Variants in DST observed in about 807,000 individuals in gnomAD.
DST encodes bullous pemphigoid antigen.
In DST, 253 loss-of-function variants were observed where a neutral mutation model predicts 875.2. That is an observed-to-expected ratio of 0.29 (90% CI 0.26 to 0.32). DST has a LOEUF of 0.32. Ranked by LOEUF, DST falls within the 10% of genes least tolerant of loss-of-function variation. The pLI is 1.00. For missense variants in DST, 8,287 were observed against 9,111.6 expected, an observed-to-expected ratio of 0.91 and a Z score of 3.68; for synonymous variants, 3,124 against 3,197.1, an observed-to-expected ratio of 0.98 and a Z score of 0.77.
intron 9 of DST, among the ~76,000 whole-genome samples, chr6:56,686,990 G>T (rs971982816): frequency 2.0e-5 from 3 of 152,136 alleles, no homozygotes; most frequent in Non-Finnish European, 4.4e-5. Context: ...TCAACATCTT[G>T]TAAGTTCTCC....
At position 56,464,768 on chromosome 6, in the gene DST, G is replaced by C; in HGVS notation, c.22688-12C>G. The C allele has an allele frequency of 1.3e-6, 2 of 1,576,420 alleles. No homozygotes were observed. Among genetic ancestry groups the C allele is most frequent in the South Asian group, 2.3e-5 (2 of 86,574 alleles). On this transcript the variant is annotated splice_polypyrimidine_tract_variant and intron_variant, in intron 99 of 103. Transcript: ENST00000680361. ...CCCATGATGATGAACTAGAAAAAAT[G>C]ACACAGGATACCAATCACATTAAAG...
chr6:56,879,512 GTATGTCTAGGT>G (rs1367766815), intron 3 of DST, among the ~76,000 whole-genome samples: 1 of 152,036 alleles, frequency 6.6e-6, no homozygotes, highest in Non-Finnish European at 1.5e-5. Context: ...GCATATAGTG[GTATGTCTAGGT>G]TTATTAATTA....
At chr6:56,802,919 A>G (rs1015485338) in intron 4 of DST, among the ~76,000 whole-genome samples, 2 of 152,252 alleles carry the variant, frequency 1.3e-5, no homozygotes, top group Non-Finnish European at 2.9e-5. Flanking sequence ...GGAAATCATT[A>G]TACTTTAAGA....
chr6:56,636,394 G>A lies in DST; in HGVS notation c.3060+163C>T, dbSNP rs142018065. ...TATATACACACATATATGTGTATAC[G>A]TATGTGTGTATATATATACACACAT... On this transcript the variant is annotated intron_variant, in intron 23 of 103. Coordinates refer to ENST00000680361, the MANE Select transcript of DST (RefSeq NM_001374736.1). Among the ~76,000 whole-genome samples the A allele has an allele frequency of 5.9e-3, 876 of 148,372 alleles. 6 individuals carry two copies. The highest frequency in any genetic ancestry group is 0.02 in the African/African-American group (821 of 40,214).
At chr6:56,603,760 G>A (rs2098468295) in intron 40 of DST, 47 bp from the exon 41 acceptor site, 2 of 1,577,944 alleles carry the variant, frequency 1.3e-6, no homozygotes, top group Non-Finnish European at 1.7e-6. Flanking sequence ...TTATGCAGAT[G>A]TTTAAAGCAA....
intron 78 of DST, 107 bp from the exon 79 acceptor site, chr6:56,501,800 G>T (rs2096135067): frequency 2.6e-6 from 2 of 756,338 alleles, no homozygotes; most frequent in Non-Finnish European, 3.9e-6. Context: ...CTTACTGAGG[G>T]GAGGTGACGC....
chr6:56,492,303 C>A lies in DST; in HGVS notation c.20681G>T (p.Ser6894Ile), dbSNP rs2095776807. The A allele has an allele frequency of 6.2e-7, 1 of 1,613,738 alleles. No individual in the cohort carries two copies. The highest frequency in any genetic ancestry group is 8.5e-7 in the Non-Finnish European group (1 of 1,179,832). The change falls in exon 85 of 104, where the codon AGT (serine) becomes ATT (isoleucine). Residue 6894 changes from serine (S) to isoleucine (I), a missense_variant. Transcript: ENST00000680361. ...CCGTTGAACCACTTTTTCCCATCGA[C>A]TTTGTACACTGATAAGTAGATTCTT... ...LIKNLLISVQSRWEKVVQRLV... is the reference protein window; with the variant it reads ...LIKNLLISVQIRWEKVVQRLV...
chr6:56,581,660 T>C (rs1374789971), intron 49 of DST, among the ~76,000 whole-genome samples: 1 of 152,234 alleles, frequency 6.6e-6, no homozygotes, highest in Non-Finnish European at 1.5e-5. Flanking sequence ...CACAGGCCTA[T>C]TCCCAGCTTT....
At chr6:56,664,706 T>C (rs1355032096) in intron 10 of DST, among the ~76,000 whole-genome samples, 1 of 152,162 alleles carries the variant, frequency 6.6e-6, no homozygotes, top group Non-Finnish European at 1.5e-5. Flanking sequence ...TAAGGTAAGG[T>C]TAGGGGCAAT....
At chr6:56,624,136 T>C (rs2098713704) in intron 36 of DST, among the ~76,000 whole-genome samples, 1 of 152,108 alleles carries the variant, frequency 6.6e-6, no homozygotes, top group Non-Finnish European at 1.5e-5. Flanking sequence ...GACAAATGTG[T>C]TCGTGTGGTA....
chr6:56,894,486 TC>T (rs1399543987), intron 3 of DST, among the ~76,000 whole-genome samples: 13 of 29,170 alleles, frequency 4.5e-4, no homozygotes, highest in Admixed American at 6.4e-4. Context: ...AGGGGGCTGA[TC>T]CCCCCACCTC....
intron 10 of DST, 149 bp from the exon 11 acceptor site, chr6:56,651,393 C>T (rs1352975529): frequency 1.8e-6 from 1 of 548,532 alleles, no homozygotes; most frequent in Non-Finnish European, 3.2e-6. Context: ...AAACATTTAA[C>T]ATTGCTCACT....
chr6:56,853,787 CA>C (rs1401517682), intron 3 of DST, among the ~76,000 whole-genome samples: 1 of 152,064 alleles, frequency 6.6e-6, no homozygotes, highest in Non-Finnish European at 1.5e-5. Flanking sequence ...AGTTACCACC[CA>C]TGGACCCATG....
chr6:56,637,655 G>A (rs901196904), intron 22 of DST, among the ~76,000 whole-genome samples: 2 of 152,080 alleles, frequency 1.3e-5, no homozygotes, highest in Non-Finnish European at 2.9e-5. Context: ...ATTTAATAGA[G>A]AGTGTATCTT....
At chr6:56,849,744 CCTGT>C (rs1435994421) in intron 4 of DST, among the ~76,000 whole-genome samples, 8 of 152,152 alleles carry the variant, frequency 5.3e-5, no homozygotes, top group African/African-American at 1.9e-4. Flanking sequence ...AAACACCTGC[CCTGT>C]CTTTCTGTCA....
intron 4 of DST, among the ~76,000 whole-genome samples, chr6:56,782,015 T>G (rs2152992788): frequency 6.6e-6 from 1 of 152,318 alleles, no homozygotes; most frequent in South Asian, 2.1e-4. Context: ...GTTTATATGC[T>G]GCATTACATT....
chr6:56,474,998 G>A (rs1400684509), intron 92 of DST, among the ~76,000 whole-genome samples: 1 of 134,820 alleles, frequency 7.4e-6, no homozygotes, highest in Non-Finnish European at 1.6e-5. Flanking sequence ...ATGGCTCTTT[G>A]ATATATTATG....
intron 4 of DST, among the ~76,000 whole-genome samples, chr6:56,765,001 G>C (rs1410080977): frequency 1.3e-5 from 2 of 150,486 alleles, no homozygotes; most frequent in African/African-American, 2.5e-5. Context: ...GAGGGAGGAA[G>C]GGAGGGAGGG....
intron 5 of DST, among the ~76,000 whole-genome samples, chr6:56,724,440 AAAT>A (rs1269091424): frequency 1.3e-5 from 2 of 152,346 alleles, no homozygotes; most frequent in African/African-American, 4.8e-5. Context: ...TTGGTTTAAA[AAAT>A]AATAACAATA....
Sources: allele counts gnomAD v4.1 joint callset (sites outside exome capture counted in the v4.1 genomes callset), GRCh38; gene constraint gnomAD v4.1.1; transcripts MANE v1.5; gene names NCBI Gene and HGNC (gene_info 2026-07-23, HGNC 2026-07-21).